CCDC6: variants seen among roughly 807,000 people sequenced by gnomAD.
The protein encoded by CCDC6 is coiled-coil domain containing 6, also known as coiled-coil domain-containing protein 6.
In CCDC6, 20 loss-of-function variants were observed where a neutral mutation model predicts 56.6. The ratio of observed to expected loss-of-function variants is 0.35; its 90% CI spans 0.25 to 0.51. The LOEUF (loss-of-function observed/expected upper bound fraction) is 0.51. Ranked by LOEUF, CCDC6 falls within the 20% of genes least tolerant of loss-of-function variation. The pLI is 0.95. For missense variants in CCDC6, 367 were observed against 601.1 expected, an observed-to-expected ratio of 0.61 and a Z score of 4.07; for synonymous variants, 241 against 234.4, an observed-to-expected ratio of 1.03 and a Z score of -0.26.
intron 5 of CCDC6, among the ~76,000 whole-genome samples, chr10:59,808,277 G>A (rs1236061132): frequency 6.6e-6 from 1 of 152,108 alleles, no homozygotes; most frequent in African/African-American, 2.4e-5. Context: ...TCTTTATGGG[G>A]ATCCAGGGTC....
rs759165857 is a variant in CCDC6 at position 59,794,522 on chromosome 10, T to C, written c.1181A>G (p.Asn394Ser). ...GTGCTGCACGTGAAGACCCGGGGAA[T>C]TGTAATAAGACATTCCAGCTCTAGT... ...SLTRAGMSYY[N>S]SPGLHVQHMG... The change falls in exon 8 of 9, where the codon AAT becomes AGT. Residue 394 changes from asparagine (N) to serine (S), a missense_variant. Coordinates refer to ENST00000263102, the MANE Select transcript of CCDC6 (RefSeq NM_005436.5). 5.6e-6 allele frequency: 9 copies of C among 1,614,050 alleles called. No individual in the cohort carries two copies. The highest frequency in any genetic ancestry group is 4.5e-5 in the East Asian group (2 of 44,884).
chr10:59,878,880 T>C, intron 1 of CCDC6, among the ~76,000 whole-genome samples: 1 of 152,288 alleles, frequency 6.6e-6, no homozygotes, highest in South Asian at 2.1e-4. Flanking sequence ...CAATTATGAC[T>C]ATTCATTTAG....
intron 5 of CCDC6, among the ~76,000 whole-genome samples, chr10:59,810,692 T>A (rs4948243): frequency 0.48 from 72,784 of 151,422 alleles, 18,321 homozygotes; most frequent in African/African-American, 0.64. Flanking sequence ...ATATATATAT[T>A]TTTTTAATAT....
intron 3 of CCDC6, among the ~76,000 whole-genome samples, chr10:59,827,950 G>A (rs1359266081): frequency 2.0e-5 from 3 of 152,146 alleles, no homozygotes; most frequent in Non-Finnish European, 1.5e-5. Context: ...CGTACCGTAT[G>A]CCACTGTTGT....
At chr10:59,857,681 T>C (rs552066215) in intron 1 of CCDC6, among the ~76,000 whole-genome samples, 1 of 152,324 alleles carries the variant, frequency 6.6e-6, no homozygotes, top group South Asian at 2.1e-4. Context: ...ACAGATTTTT[T>C]TTTTTTAAAG....
At chr10:59,871,371 G>A (rs2071228394) in intron 1 of CCDC6, among the ~76,000 whole-genome samples, 1 of 148,714 alleles carries the variant, frequency 6.7e-6, no homozygotes, top group South Asian at 2.2e-4. Flanking sequence ...GTTTACATGT[G>A]TATACACGTA....
intron 3 of CCDC6, among the ~76,000 whole-genome samples, chr10:59,828,226 T>C (rs1007830004): frequency 1.3e-5 from 2 of 152,142 alleles, no homozygotes; most frequent in Non-Finnish European, 1.5e-5. Flanking sequence ...TGAAGAAAAA[T>C]CTGCAAGTCA....
intron 1 of CCDC6, among the ~76,000 whole-genome samples, chr10:59,883,058 G>C (rs2071357457): frequency 6.6e-6 from 1 of 152,014 alleles, no homozygotes; most frequent in South Asian, 2.1e-4. Context: ...GTAGGAAAAA[G>C]AAAAAAATGA....
At position 59,792,586 on chromosome 10, in the gene CCDC6, A is replaced by G. The variant is rs377375842; in HGVS notation, c.*331T>C. The G allele has an allele frequency of 4.7e-5, 30 of 643,750 alleles. No individual in the cohort carries two copies. Among genetic ancestry groups the G allele is most frequent in the African/African-American group, 4.2e-4 (24 of 57,120 alleles). 39.9% of individuals were successfully genotyped at this position (643,750 alleles called of 1,614,324 possible). A position where few individuals can be genotyped will look rare whatever the true frequency, so the allele number is the denominator to read the frequency against. On this transcript the variant is annotated 3_prime_UTR_variant, in exon 9 of 9. Transcript: ENST00000263102. ...ATATCCCTTTTTCTTTTACAAACCT[A>G]AAAGCCAGGAGAATGAAGCTCTGGG...
chr10:59,856,661 T>G (rs1191215360), intron 1 of CCDC6, among the ~76,000 whole-genome samples: 1 of 152,126 alleles, frequency 6.6e-6, no homozygotes, highest in Non-Finnish European at 1.5e-5. Context: ...CCAGGTACCA[T>G]TCACAAGGCA....
intron 1 of CCDC6, among the ~76,000 whole-genome samples, chr10:59,879,751 T>A (rs2071317116): frequency 6.6e-6 from 1 of 152,156 alleles, no homozygotes; most frequent in African/African-American, 2.4e-5. Flanking sequence ...CCTGCTTCCA[T>A]CAACCCTTCC....
intron 3 of CCDC6, among the ~76,000 whole-genome samples, chr10:59,832,217 C>T (rs1430370700): frequency 6.6e-6 from 1 of 152,188 alleles, no homozygotes; most frequent in Non-Finnish European, 1.5e-5. Context: ...CAGAAACTAT[C>T]CTGTGGTCAA....
Position 59,906,504 on chromosome 10 carries a change from C to G in CCDC6, c.-80G>C. 7.9e-7 allele frequency: 1 copy of G among 1,269,004 alleles called. No homozygotes were observed. Among genetic ancestry groups the G allele is most frequent in the Non-Finnish European group, 1.0e-6 (1 of 965,844 alleles). 78.6% of individuals were successfully genotyped at this position (1,269,004 alleles called of 1,614,324 possible). A position where few individuals can be genotyped will look rare whatever the true frequency, so the allele number is the denominator to read the frequency against. ...AGGCCGGGCTGCGAATGAGTGGGCG[C>G]CGGGCGAGCACAGGGGAGCGCCGAG... is the stretch of plus-strand genomic sequence containing the variant. On this transcript the variant is annotated 5_prime_UTR_variant, in exon 1 of 9. Transcript: ENST00000263102.
In CCDC6 at chr10:59,884,501, T is replaced by C. The variant is rs1188667408; in HGVS notation, c.303+21621A>G. 2.0e-5 allele frequency among the ~76,000 whole-genome samples: 3 copies of C among 152,280 alleles called. No homozygotes were observed. The East Asian group carries it at 5.8e-4, about 29-fold the overall frequency. On this transcript the variant is annotated intron_variant, in intron 1 of 8. Transcript: ENST00000263102. ...AGAATGTTTCCTTTAACTTGCTTTA[T>C]AGAAAGAAGGAGACTGAAAACAATC... is the stretch of plus-strand genomic sequence containing the variant.
intron 1 of CCDC6, among the ~76,000 whole-genome samples, chr10:59,883,195 G>A (rs1195682313): frequency 2.0e-5 from 3 of 152,122 alleles, no homozygotes; most frequent in Non-Finnish European, 4.4e-5. Flanking sequence ...TAGTCTTTGA[G>A]TTAAATACCA....
intron 1 of CCDC6, among the ~76,000 whole-genome samples, chr10:59,885,910 A>ACCCC (rs1431441962): frequency 2.0e-5 from 1 of 49,014 alleles, no homozygotes; most frequent in African/African-American, 7.7e-5. Context: ...TCTATTTCCA[A>ACCCC]CCCCGCCCCC....
intron 7 of CCDC6, among the ~76,000 whole-genome samples, chr10:59,799,703 C>A (rs1184104194): frequency 1.3e-5 from 2 of 152,212 alleles, no homozygotes; most frequent in Admixed American, 6.5e-5. Context: ...CTTCTTCCTG[C>A]TCCCAGTGCC....
intron 7 of CCDC6, among the ~76,000 whole-genome samples, chr10:59,798,851 G>A (rs1376235142): frequency 1.6e-5 from 2 of 128,768 alleles, no homozygotes; most frequent in African/African-American, 6.8e-5. Flanking sequence ...AAACTAGGTG[G>A]GCGTGGTGGT....
At chr10:59,862,636 G>A (rs958706328) in intron 1 of CCDC6, among the ~76,000 whole-genome samples, 2 of 147,608 alleles carry the variant, frequency 1.4e-5, no homozygotes, top group African/African-American at 5.0e-5. Flanking sequence ...TTTTAAAAAT[G>A]AAGATTAGAA....
Sources: gnomAD v4.1 joint callset for allele counts (sites outside exome capture counted in the v4.1 genomes callset) on GRCh38, gnomAD v4.1.1 for gene constraint, MANE v1.5 for transcripts, NCBI Gene and HGNC (gene_info 2026-07-23, HGNC 2026-07-21) for gene names.